Variants in TRPC4AP observed in about 807,000 individuals in gnomAD.
TRPC4AP encodes short transient receptor potential channel 4-associated protein.
Under a neutral mutation model 99.0 loss-of-function variants are expected in TRPC4AP, and 45 were observed. That is an observed-to-expected ratio of 0.45 (90% confidence interval 0.36 to 0.58). The LOEUF (loss-of-function observed/expected upper bound fraction) is 0.58, where lower values mean the gene tolerates loss of function less well. Ranked by LOEUF, TRPC4AP falls within the 20% of genes least tolerant of loss-of-function variation. TRPC4AP has a pLI of 0.00. For missense variants in TRPC4AP, 879 were observed against 985.3 expected (o/e 0.89, Z 1.44); for synonymous variants, 408 against 385.8 (o/e 1.06, Z -0.67).
intron 5 of TRPC4AP, among the ~76,000 whole-genome samples, chr20:35,052,979 G>C (rs1317465027): frequency 6.6e-6 from 1 of 152,008 alleles, no homozygotes. Context: ...CATTAACATG[G>C]AATTCAGCCA....
chr20:35,060,184 T>G (rs1015015284), intron 3 of TRPC4AP, among the ~76,000 whole-genome samples: 3 of 152,158 alleles, frequency 2.0e-5, no homozygotes, highest in African/African-American at 7.2e-5. Context: ...AGTATTACCC[T>G]GATACCAAAA....
chr20:35,092,749 T>C lies in TRPC4AP; in HGVS notation c.33A>G (p.Gly11=). 2.6e-6 allele frequency: 4 copies of C among 1,556,242 alleles called. No individual in the cohort carries two copies. Among genetic ancestry groups the C allele is most frequent in the Non-Finnish European group, 3.4e-6 (4 of 1,162,838 alleles). The part of the protein sequence containing the change: MAAAPVAAGS[G]AGRGRRSAAT... ...CTGCCGACCGTCTCCCTCGGCCGGC[T>C]CCAGACCCAGCCGCTACCGGCGCCG... The change falls in exon 1 of 19, where the codon GGA becomes GGG. Residue 11 remains glycine (G), a synonymous_variant. Transcript: ENST00000252015.
At chr20:35,014,575 GAA>G (rs1455191562) in intron 10 of TRPC4AP, among the ~76,000 whole-genome samples, 1 of 152,082 alleles carries the variant, frequency 6.6e-6, no homozygotes, top group Non-Finnish European at 1.5e-5. Context: ...ATATGCAGCA[GAA>G]AAAAGATATT....
intron 1 of TRPC4AP, among the ~76,000 whole-genome samples, chr20:35,086,429 ATATGTGTGTGTGTGTGTGTGTGTGTG>A (rs1684154820): frequency 8.5e-6 from 1 of 117,800 alleles, no homozygotes. Context: ...AATGAATGGC[ATATGTGTGTGTGTGTGTGTGTGTGTG>A]TGTGTGTGTG....
At chr20:35,019,963 C>T (rs2082849227) in intron 9 of TRPC4AP, among the ~76,000 whole-genome samples, 1 of 152,184 alleles carries the variant, frequency 6.6e-6, no homozygotes, top group Admixed American at 6.5e-5. Context: ...ATCTTCCTCC[C>T]TAAGCCTGCT....
intron 16 of TRPC4AP, 41 bp downstream of exon 16, chr20:35,005,654 T>A (rs3746431): frequency 6.3e-7 from 1 of 1,577,290 alleles, no homozygotes; most frequent in Non-Finnish European, 8.7e-7. Flanking sequence ...CCAGCATTCT[T>A]ACCCTGCATG....
At chr20:35,011,020 G>A (rs975333707) in intron 11 of TRPC4AP, among the ~76,000 whole-genome samples, 3 of 152,160 alleles carry the variant, frequency 2.0e-5, no homozygotes, top group Non-Finnish European at 4.4e-5. Flanking sequence ...CAGCACTTTG[G>A]AAGGTCCAGG....
chr20:35,002,880 C>T lies in TRPC4AP; in HGVS notation c.*266G>A. ...GCTAATGCTAAATGTCCTCTTACCT[C>T]TGGGTGGCCCTGGGCCCCAGGGTTC... On this transcript the variant is annotated 3_prime_UTR_variant, in exon 19 of 19. Transcript: ENST00000252015. 2.3e-6 allele frequency: 1 copy of T among 427,084 alleles called. No homozygotes were observed. The highest frequency in any genetic ancestry group is 4.4e-5 in the East Asian group (1 of 22,636). 26.5% of individuals were successfully genotyped at this position (427,084 alleles called of 1,614,324 possible).
At chr20:35,036,949 G>A (rs973314398) in intron 7 of TRPC4AP, among the ~76,000 whole-genome samples, 32 of 151,362 alleles carry the variant, frequency 2.1e-4, no homozygotes, top group Middle Eastern at 6.8e-3. Flanking sequence ...GTCTCAACGC[G>A]TGCGCACACA....
chr20:35,085,957 C>G (rs2084830144), intron 1 of TRPC4AP, among the ~76,000 whole-genome samples: 1 of 151,700 alleles, frequency 6.6e-6, no homozygotes, highest in Non-Finnish European at 1.5e-5. Context: ...CTCAAAATAC[C>G]ACACTAAATG....
chr20:35,053,835 T>C (rs2083758703), intron 5 of TRPC4AP, among the ~76,000 whole-genome samples: 1 of 152,224 alleles, frequency 6.6e-6, no homozygotes, highest in Non-Finnish European at 1.5e-5. Flanking sequence ...CCTACTTTTT[T>C]CTTTAAAAAA....
At chr20:35,013,688 G>C (rs2082688395) in intron 10 of TRPC4AP, among the ~76,000 whole-genome samples, 1 of 152,200 alleles carries the variant, frequency 6.6e-6, no homozygotes, top group East Asian at 1.9e-4. Flanking sequence ...GTGAGCCAAG[G>C]AACTGATACT....
chr20:35,086,475 G>GTGTGTATA lies in TRPC4AP; in HGVS notation c.168+6138_168+6139insTATACACA, dbSNP rs1249022184. Among the ~76,000 whole-genome samples the GTGTGTATA allele has an allele frequency of 2.7e-4, 31 of 116,480 alleles. No individual in the cohort carries two copies. The South Asian group carries it at 7.6e-3, about 29-fold the overall frequency. The allele number at this position is 116,480 out of a possible 152,430, so 76.4% of individuals were successfully genotyped here. A position where few individuals can be genotyped will look rare whatever the true frequency, so the allele number is the denominator to read the frequency against. ...TGTGTGTGTGTGTGTGTGTGTGTGT[G>GTGTGTATA]TATGTGTGTGTATATATATATGTGT... On this transcript the variant is annotated intron_variant, in intron 1 of 18. Coordinates refer to ENST00000252015, the MANE Select transcript of TRPC4AP (RefSeq NM_015638.3).
chr20:35,072,615 G>A (rs1382178101), intron 2 of TRPC4AP, among the ~76,000 whole-genome samples: 1 of 152,074 alleles, frequency 6.6e-6, no homozygotes, highest in African/African-American at 2.4e-5. Context: ...TATTTCTGAG[G>A]GCTCTGTTCT....
At chr20:35,043,247 A>T (rs1056176578) in intron 7 of TRPC4AP, among the ~76,000 whole-genome samples, 5 of 142,862 alleles carry the variant, frequency 3.5e-5, no homozygotes, top group African/African-American at 1.0e-4. Flanking sequence ...GCAATGAATA[A>T]TTTTTTTTTT....
At chr20:35,053,816 C>A (rs376974308) in intron 5 of TRPC4AP, among the ~76,000 whole-genome samples, 3 of 152,180 alleles carry the variant, frequency 2.0e-5, no homozygotes, top group Admixed American at 6.5e-5. Flanking sequence ...ATTAACTTCA[C>A]CACTTCTTCC....
intron 1 of TRPC4AP, among the ~76,000 whole-genome samples, chr20:35,081,662 T>A (rs1479376547): frequency 1.3e-5 from 2 of 151,984 alleles, no homozygotes; most frequent in African/African-American, 4.8e-5. Context: ...AAAGGTAGTA[T>A]AACTATATTA....
At chr20:35,060,017 AAAC>A (rs1462056423) in intron 3 of TRPC4AP, among the ~76,000 whole-genome samples, 1 of 152,136 alleles carries the variant, frequency 6.6e-6, no homozygotes. Flanking sequence ...AAACAAACAA[AAAC>A]AACAATAACA....
intron 8 of TRPC4AP, among the ~76,000 whole-genome samples, chr20:35,028,445 T>C (rs1008442371): frequency 6.6e-6 from 1 of 152,210 alleles, no homozygotes; most frequent in Non-Finnish European, 1.5e-5. Context: ...ACTGGTTATT[T>C]AGAAGTATAC....
Sources: allele counts gnomAD v4.1 joint callset (sites outside exome capture counted in the v4.1 genomes callset), GRCh38; gene constraint gnomAD v4.1.1; transcripts MANE v1.5; gene names NCBI Gene and HGNC (gene_info 2026-07-23, HGNC 2026-07-21).